Variants in HPSE2 observed in about 807,000 individuals in gnomAD.
HPSE2 encodes the protein heparanase 2 (inactive), also known as inactive heparanase-2.
In HPSE2, 38 loss-of-function variants were observed where a neutral mutation model predicts 60.5. The ratio of observed to expected loss-of-function variants is 0.63; its 90% CI spans 0.48 to 0.82. HPSE2 has a LOEUF of 0.82. Among genes scored for constraint, HPSE2 ranks in the 40% least tolerant of loss-of-function variants. The pLI, the probability that HPSE2 is intolerant of heterozygous loss-of-function variation, is 0.00. For missense variants in HPSE2, 713 were observed against 740.4 expected (o/e 0.96, Z 0.43); for synonymous variants, 295 against 293.2 (o/e 1.01, Z -0.06).
At position 98,899,357 on chromosome 10, in the gene HPSE2, T is replaced by G. The variant is rs570224778; in HGVS notation, c.611-155301A>C. Among the ~76,000 whole-genome samples, 4 of 152,216 alleles carry G rather than the reference T, an allele frequency of 2.6e-5. No homozygotes were observed. In the East Asian group the frequency reaches 7.7e-4, roughly 29 times the overall value. ...AGCATTTGCTTGTTGAAAGACACAA[T>G]CAAGAGAATGAAATAACAAGTAACA... On this transcript the variant is annotated intron_variant, in intron 3 of 11. Coordinates refer to ENST00000370552, the MANE Select transcript of HPSE2 (RefSeq NM_021828.5).
the HPSE2 span, among the ~76,000 whole-genome samples, chr10:99,296,029 G>T: frequency 6.6e-6 from 1 of 152,170 alleles, no homozygotes; most frequent in African/African-American, 2.4e-5. Flanking sequence ...CAAATGTGAC[G>T]TATCACTTAT....
In HPSE2 at chr10:99,138,747, T is replaced by C. The variant is rs575973510; in HGVS notation, c.610+5491A>G. On this transcript the variant is annotated intron_variant, in intron 3 of 11. Transcript: ENST00000370552. ...TCACACACCAGGGCCTTTTGGGCGA[T>C]GGGGGGCTAGGGGAGGGATAACATT... 5.3e-5 allele frequency among the ~76,000 whole-genome samples: 8 copies of C among 152,162 alleles called. No individual in the cohort carries two copies. The South Asian group carries it at 6.2e-4, about 12-fold the overall frequency.
At chr10:99,308,906 G>A in the HPSE2 span, among the ~76,000 whole-genome samples, 2 of 152,142 alleles carry the variant, frequency 1.3e-5, no homozygotes, top group African/African-American at 4.8e-5. Flanking sequence ...TGTTAGTTCG[G>A]TTTAGAAATA....
chr10:98,505,494 T>C (rs1391423859), intron 9 of HPSE2, among the ~76,000 whole-genome samples: 1 of 152,186 alleles, frequency 6.6e-6, no homozygotes, highest in Non-Finnish European at 1.5e-5. Context: ...CCAACTATAC[T>C]CCCTCCACCA....
chr10:98,952,233 C>G (rs564164378), intron 3 of HPSE2, among the ~76,000 whole-genome samples: 24 of 152,120 alleles, frequency 1.6e-4, no homozygotes, highest in Admixed American at 9.2e-4. Flanking sequence ...TCCCGTGGCT[C>G]TGCCACTCCA....
chr10:99,171,870 G>C (rs1340341610), intron 2 of HPSE2, among the ~76,000 whole-genome samples: 2 of 151,994 alleles, frequency 1.3e-5, no homozygotes, highest in South Asian at 2.1e-4. Flanking sequence ...AGAGTGTCTA[G>C]GATTGAAATG....
intron 2 of HPSE2, among the ~76,000 whole-genome samples, chr10:99,159,996 C>G (rs1031048462): frequency 6.6e-6 from 1 of 151,914 alleles, no homozygotes; most frequent in African/African-American, 2.4e-5. Flanking sequence ...TAAAAGTTAG[C>G]CAGGCATGGT....
intron 9 of HPSE2, among the ~76,000 whole-genome samples, chr10:98,552,495 C>T (rs1400694659): frequency 6.6e-6 from 1 of 152,104 alleles, no homozygotes; most frequent in Non-Finnish European, 1.5e-5. Flanking sequence ...AGTTATGATC[C>T]TAGAGGGAGT....
intron 3 of HPSE2, among the ~76,000 whole-genome samples, chr10:99,095,831 T>A (rs1293749406): frequency 2.0e-5 from 3 of 152,258 alleles, no homozygotes; most frequent in Non-Finnish European, 4.4e-5. Context: ...AATGCTGTTA[T>A]AAATATTTGT....
chr10:98,862,125 T>C (rs1952472450), intron 3 of HPSE2, among the ~76,000 whole-genome samples: 2 of 152,186 alleles, frequency 1.3e-5, no homozygotes, highest in Non-Finnish European at 2.9e-5. Flanking sequence ...AAAGCTCAGA[T>C]AGATATCTCA....
At chr10:98,577,614 CT>C (rs1167424243) in intron 9 of HPSE2, among the ~76,000 whole-genome samples, 10 of 152,326 alleles carry the variant, frequency 6.6e-5, no homozygotes, top group African/African-American at 2.4e-4. Flanking sequence ...ATTTTTCTCT[CT>C]CTTACCACAG....
chr10:99,120,229 A>C (rs1844892612), intron 3 of HPSE2, among the ~76,000 whole-genome samples: 1 of 152,212 alleles, frequency 6.6e-6, no homozygotes, highest in Non-Finnish European at 1.5e-5. Context: ...ATCTATAAGG[A>C]ACTTAAACAA....
At chr10:99,100,856 G>T (rs1308110653) in intron 3 of HPSE2, among the ~76,000 whole-genome samples, 3 of 152,176 alleles carry the variant, frequency 2.0e-5, no homozygotes, top group Non-Finnish European at 4.4e-5. Flanking sequence ...TTAAAGAAAA[G>T]AATTTTCAAC....
At chr10:98,708,431 G>C (rs1458849559) in intron 5 of HPSE2, among the ~76,000 whole-genome samples, 2 of 149,588 alleles carry the variant, frequency 1.3e-5, no homozygotes, top group African/African-American at 4.9e-5. Flanking sequence ...ACTCCAGCCT[G>C]GGCGACAGAG....
rs1940169983 is a variant in HPSE2 at position 98,459,150 on chromosome 10, A to G, written c.*424T>C. The G allele has an allele frequency of 8.1e-6, 2 of 247,776 alleles. No individual in the cohort carries two copies. The highest frequency in any genetic ancestry group is 4.4e-5 in the African/African-American group (2 of 45,102). 15.3% of individuals were successfully genotyped at this position (247,776 alleles called of 1,614,324 possible). A position where few individuals can be genotyped will look rare whatever the true frequency, so the allele number is the denominator to read the frequency against. The stretch of plus-strand genomic sequence containing the variant: ...AGGATGGGTTTTTGTAGGTCCACCC[A>G]GTTTTTTTCCTTCCTCATCTTCCTC... On this transcript the variant is annotated 3_prime_UTR_variant, in exon 12 of 12. Transcript: ENST00000370552.
chr10:98,926,915 C>T (rs925515044), intron 3 of HPSE2, among the ~76,000 whole-genome samples: 3 of 152,070 alleles, frequency 2.0e-5, no homozygotes, highest in East Asian at 1.9e-4. Flanking sequence ...TGTAGTTGAG[C>T]GGTTTTGAGT....
chr10:98,933,602 G>T (rs1213395744), intron 3 of HPSE2, among the ~76,000 whole-genome samples: 3 of 143,812 alleles, frequency 2.1e-5, no homozygotes, highest in Non-Finnish European at 3.0e-5. Context: ...CTCTTAATAG[G>T]TCTCTAAGAA....
chr10:98,865,905 G>A (rs1045889576), intron 3 of HPSE2, among the ~76,000 whole-genome samples: 17 of 152,062 alleles, frequency 1.1e-4, no homozygotes, highest in African/African-American at 3.6e-4. Flanking sequence ...AGCAAGACAG[G>A]AAAGGATCAA....
At chr10:98,497,114 T>C (rs961388577) in intron 9 of HPSE2, among the ~76,000 whole-genome samples, 1 of 152,260 alleles carries the variant, frequency 6.6e-6, no homozygotes, top group Non-Finnish European at 1.5e-5. Flanking sequence ...ATTATTTTAG[T>C]ATCATATAAT....
Sources: allele counts gnomAD v4.1 joint callset (sites outside exome capture counted in the v4.1 genomes callset), GRCh38; gene constraint gnomAD v4.1.1; transcripts MANE v1.5; gene names NCBI Gene and HGNC (gene_info 2026-07-23, HGNC 2026-07-21).